MALRD1: variants seen among roughly 807,000 people sequenced by gnomAD.
MALRD1 encodes MAM and LDL-receptor class A domain-containing protein 1.
In MALRD1, 247 loss-of-function variants were observed where a neutral mutation model predicts 242.1. The ratio of observed to expected loss-of-function variants is 1.02; its 90% CI spans 0.92 to 1.13. MALRD1 has a LOEUF of 1.13. Ranked by LOEUF, MALRD1 falls within the 50% of genes most tolerant of loss-of-function variation. The pLI, the probability that MALRD1 is intolerant of heterozygous loss-of-function variation, is 0.00. For synonymous variants in MALRD1, 995 were observed against 866.6 expected (o/e 1.15, Z -2.60); for missense variants, 2,989 against 2,533.1 (o/e 1.18, Z -3.86).
intron 8 of MALRD1, among the ~76,000 whole-genome samples, chr10:19,132,298 GA>G (rs1833139605): frequency 6.6e-6 from 1 of 152,184 alleles, no homozygotes; most frequent in Non-Finnish European, 1.5e-5. Flanking sequence ...ATAAGCAGAA[GA>G]AAAATTAGTT....
intron 21 of MALRD1, among the ~76,000 whole-genome samples, chr10:19,300,904 TCAA>T (rs760674751): frequency 1.7e-3 from 261 of 152,118 alleles, no homozygotes; most frequent in Non-Finnish European, 3.0e-3. Flanking sequence ...AAAGAAGCTA[TCAA>T]CAGAGTAAAC....
intron 33 of MALRD1, among the ~76,000 whole-genome samples, chr10:19,586,090 C>T (rs1267104933): frequency 6.6e-6 from 1 of 152,116 alleles, no homozygotes; most frequent in Non-Finnish European, 1.5e-5. Flanking sequence ...CTCCTTTAAG[C>T]ACTTCTCTGT....
At chr10:19,165,842 A>C (rs1428039920) in intron 13 of MALRD1, 32 bp downstream of exon 13, 1 of 1,226,250 alleles carries the variant, frequency 8.2e-7, no homozygotes, top group Non-Finnish European at 1.0e-6. Flanking sequence ...ACAACTCAAC[A>C]GAAGACACTT....
At chr10:19,267,444 G>C (rs1158788790) in intron 19 of MALRD1, among the ~76,000 whole-genome samples, 2 of 151,536 alleles carry the variant, frequency 1.3e-5, no homozygotes, top group Non-Finnish European at 2.9e-5. Context: ...TTGTTTTGTT[G>C]TTGTTGAACT....
intron 14 of MALRD1, among the ~76,000 whole-genome samples, chr10:19,183,527 A>G (rs1247299329): frequency 6.6e-6 from 1 of 152,194 alleles, no homozygotes; most frequent in Non-Finnish European, 1.5e-5. Context: ...CAAACATTTA[A>G]TATTTTAATG....
intron 30 of MALRD1, among the ~76,000 whole-genome samples, chr10:19,496,758 A>G (rs2131239450): frequency 1.3e-5 from 2 of 152,306 alleles, no homozygotes; most frequent in East Asian, 1.9e-4. Context: ...ATATATGTGA[A>G]TATTTTTAAA....
intron 29 of MALRD1, among the ~76,000 whole-genome samples, chr10:19,487,499 A>G (rs1434539450): frequency 2.1e-5 from 3 of 146,208 alleles, no homozygotes; most frequent in Non-Finnish European, 4.5e-5. Flanking sequence ...CCTTATTTAG[A>G]GATGTAGCCT....
intron 4 of MALRD1, among the ~76,000 whole-genome samples, chr10:19,101,712 A>G (rs1188516852): frequency 7.4e-6 from 1 of 135,688 alleles, no homozygotes; most frequent in Admixed American, 7.9e-5. Flanking sequence ...TATATATAAT[A>G]TATATTCTAT....
At chr10:19,542,951 A>T (rs901748982) in intron 32 of MALRD1, among the ~76,000 whole-genome samples, 3 of 152,206 alleles carry the variant, frequency 2.0e-5, no homozygotes, top group Non-Finnish European at 2.9e-5. Context: ...ATCAACAGTA[A>T]ATAGCCCTCT....
chr10:19,497,804 A>C (rs574042871), intron 30 of MALRD1, among the ~76,000 whole-genome samples: 1 of 152,350 alleles, frequency 6.6e-6, no homozygotes, highest in African/African-American at 2.4e-5. Context: ...TAACTGATGT[A>C]CAAAAAAAAG....
At chr10:19,403,049 A>G (rs1299604059) in intron 28 of MALRD1, among the ~76,000 whole-genome samples, 1 of 152,182 alleles carries the variant, frequency 6.6e-6, no homozygotes, top group Non-Finnish European at 1.5e-5. Flanking sequence ...CTTAACTATA[A>G]ACAAGGAGAA....
chr10:19,236,469 C>G (rs1303009104), intron 18 of MALRD1, among the ~76,000 whole-genome samples: 1 of 152,142 alleles, frequency 6.6e-6, no homozygotes, highest in East Asian at 1.9e-4. Context: ...TAATAAAACT[C>G]CTTAGAAGGC....
At chr10:19,591,358 C>G (rs1837772286) in intron 33 of MALRD1, among the ~76,000 whole-genome samples, 1 of 152,162 alleles carries the variant, frequency 6.6e-6, no homozygotes, top group South Asian at 2.1e-4. Flanking sequence ...ATGGTTGATT[C>G]CAACACACTT....
intron 26 of MALRD1, among the ~76,000 whole-genome samples, chr10:19,372,481 T>G (rs1275893481): frequency 1.3e-5 from 2 of 152,088 alleles, no homozygotes; most frequent in African/African-American, 2.4e-5. Flanking sequence ...AATTTTTTTT[T>G]TTTTGCAAAT....
In MALRD1 at chr10:19,404,568, T is replaced by G. The variant is rs922846818; in HGVS notation, c.4845+14959T>G. On this transcript the variant is annotated intron_variant, in intron 28 of 39. Transcript: ENST00000454679. ...GCACTGTTAAATATTTTAGAAAATT[T>G]TATTAATGTAAATATAGCCAGATCA... 3.3e-5 allele frequency among the ~76,000 whole-genome samples: 5 copies of G among 152,088 alleles called. No homozygotes were observed. The East Asian group carries it at 9.6e-4, about 29-fold the overall frequency.
At chr10:19,354,373 A>G (rs1844529226) in intron 26 of MALRD1, among the ~76,000 whole-genome samples, 1 of 152,170 alleles carries the variant, frequency 6.6e-6, no homozygotes, top group Non-Finnish European at 1.5e-5. Context: ...TGGGTAGGAA[A>G]AAAATGCCTT....
At chr10:19,654,443 G>A (rs1841046132) in intron 36 of MALRD1, among the ~76,000 whole-genome samples, 1 of 152,078 alleles carries the variant, frequency 6.6e-6, no homozygotes, top group African/African-American at 2.4e-5. Flanking sequence ...CAAATATAAA[G>A]GCTGACTTCA....
intron 31 of MALRD1, among the ~76,000 whole-genome samples, chr10:19,513,477 C>T (rs1166771777): frequency 1.3e-5 from 2 of 150,476 alleles, no homozygotes; most frequent in East Asian, 3.9e-4. Context: ...TGGTGGCTCA[C>T]GCCTGTAATC....
At chr10:19,047,477 AAG>A (rs2131185750), upstream of MALRD1, among the ~76,000 whole-genome samples, 1 of 152,170 alleles carries the variant, frequency 6.6e-6, no homozygotes, top group East Asian at 1.9e-4. Context: ...CATGAGAGTG[AAG>A]AGAGAGCCTA....
Sources: gnomAD v4.1 joint callset for allele counts (sites outside exome capture counted in the v4.1 genomes callset) on GRCh38, gnomAD v4.1.1 for gene constraint, MANE v1.5 for transcripts, NCBI Gene and HGNC (gene_info 2026-07-23, HGNC 2026-07-21) for gene names.